YME1L1: variants seen among roughly 807,000 people sequenced by gnomAD.
YME1L1 encodes YME1 like 1 ATPase.
Under a neutral mutation model 90.4 loss-of-function variants are expected in YME1L1, and 39 were observed. The observed-to-expected ratio is 0.43, with a 90% CI of 0.33 to 0.56. The LOEUF (loss-of-function observed/expected upper bound fraction) is 0.56, where lower values mean the gene tolerates loss of function less well. YME1L1 is among the 20% of genes least tolerant of loss of function. The pLI, the probability that YME1L1 is intolerant of heterozygous loss-of-function variation, is 0.03. For synonymous variants in YME1L1, 284 were observed against 287.3 expected (o/e 0.99, Z 0.12); for missense variants, 617 against 868.4 (o/e 0.71, Z 3.64).
chr10:27,122,837 T>C lies in YME1L1; in HGVS notation c.1235+4A>G, dbSNP rs1403717777. 17 of 1,612,844 alleles carry C rather than the reference T, an allele frequency of 1.1e-5. No individual in the cohort carries two copies. Among genetic ancestry groups the C allele is most frequent in the Middle Eastern group, 1.6e-4 (1 of 6,076 alleles). On this transcript the variant is annotated splice_donor_region_variant and intron_variant, in intron 11 of 18. Coordinates refer to ENST00000376016, the MANE Select transcript of YME1L1 (RefSeq NM_014263.4). ...TATTCTAAGAAAAAAGAAGACTCAA[T>C]TACCCATCCATTTCAGCAAGAAGTT...
At chr10:27,149,461 G>A (rs976822240) in intron 1 of YME1L1, among the ~76,000 whole-genome samples, 3 of 152,098 alleles carry the variant, frequency 2.0e-5, no homozygotes, top group African/African-American at 4.8e-5. Flanking sequence ...TGTAACCCCA[G>A]CACTTTGGGA....
At position 27,120,578 on chromosome 10, in the gene YME1L1, A is replaced by AT. The variant is rs765749232; in HGVS notation, c.1299-32dup. ...GGAAGAATGCAAAAGGAAAATATAA[A>AT]TTAAAACTATTTAAGCTCAAATTCA... On this transcript the variant is annotated intron_variant, in intron 12 of 18. Coordinates refer to ENST00000376016, the MANE Select transcript of YME1L1 (RefSeq NM_014263.4). The AT allele has an allele frequency of 1.3e-5, 20 of 1,558,442 alleles. 1 individual carries two copies. In the South Asian group the frequency reaches 2.3e-4, roughly 18 times the overall value.
chr10:27,114,266 A>G (rs1359295028), intron 18 of YME1L1, among the ~76,000 whole-genome samples: 1 of 152,206 alleles, frequency 6.6e-6, no homozygotes, highest in Non-Finnish European at 1.5e-5. Flanking sequence ...ACCATGCAAT[A>G]TAGAACTGTT....
chr10:27,127,233 TTA>T (rs1031228070), intron 8 of YME1L1, among the ~76,000 whole-genome samples: 8 of 152,222 alleles, frequency 5.3e-5, no homozygotes, highest in Admixed American at 4.6e-4. Context: ...AAGAACAAAG[TTA>T]TGTTTTTTTG....
At chr10:27,147,893 C>T (rs112921984) in intron 2 of YME1L1, among the ~76,000 whole-genome samples, 3 of 152,268 alleles carry the variant, frequency 2.0e-5, no homozygotes, top group African/African-American at 7.2e-5. Flanking sequence ...CAGCTTTTCC[C>T]AGTATCCTAG....
In YME1L1 at chr10:27,110,357, G is replaced by C. The variant is rs898932319; in HGVS notation, c.*1620C>G. 6.6e-6 allele frequency: 1 copy of C among 152,194 alleles called. No individual in the cohort carries two copies. Among genetic ancestry groups the C allele is most frequent in the East Asian group, 1.9e-4 (1 of 5,188 alleles). 9.4% of individuals were successfully genotyped at this position (152,194 alleles called of 1,614,324 possible). A position where few individuals can be genotyped will look rare whatever the true frequency, so the allele number is the denominator to read the frequency against. ...TTCTGCCAGTTTGAAATTACATTAA[G>C]ATTTAAGATTATCAACCAAAAGGTC... On this transcript the variant is annotated 3_prime_UTR_variant, in exon 19 of 19. Coordinates refer to ENST00000376016, the MANE Select transcript of YME1L1 (RefSeq NM_014263.4).
intron 7 of YME1L1, among the ~76,000 whole-genome samples, chr10:27,133,617 C>T (rs1356125140): frequency 6.6e-6 from 1 of 152,018 alleles, no homozygotes; most frequent in Non-Finnish European, 1.5e-5. Flanking sequence ...GTGAAAACTG[C>T]ACAGTAGTGG....
chr10:27,137,569 TTA>T (rs1199692947), intron 4 of YME1L1, among the ~76,000 whole-genome samples: 1 of 152,190 alleles, frequency 6.6e-6, no homozygotes, highest in Non-Finnish European at 1.5e-5. Flanking sequence ...CCACCAATGC[TTA>T]TGAGTTTCCT....
rs747076166 is a variant in YME1L1, at chr10:27,145,455, C to T, written c.304G>A (p.Ala102Thr). Reference sequence around the variant, plus strand: ...TATTTATTTTCAAAGAAGGATTGTGCAGAGACATGGGATGTATGCCAATGG... The same window carrying T: ...TATTTATTTTCAAAGAAGGATTGTGTAGAGACATGGGATGTATGCCAATGG... ...SSHWHTSHVSAQSFFENKYGN... is the reference protein window; with the variant it reads ...SSHWHTSHVSTQSFFENKYGN... The change falls in exon 3 of 19, where the codon GCA (alanine) becomes ACA (threonine). Residue 102 changes from alanine to threonine, a missense_variant. Physicochemically the swap from Ala to Thr is moderately conservative, Grantham distance 58 (BLOSUM62 0). This residue lies in a region of YME1L1 where 311 missense variants were observed against 335.8 expected (regional missense o/e 0.93). Coordinates refer to ENST00000376016, the MANE Select transcript of YME1L1 (RefSeq NM_014263.4). The T allele has an allele frequency of 3.1e-6, 5 of 1,611,600 alleles. No homozygotes were observed. The South Asian group carries it at 4.4e-5, about 14-fold the overall frequency.
chr10:27,132,635 C>T (rs1376561985), intron 7 of YME1L1, among the ~76,000 whole-genome samples: 5 of 151,664 alleles, frequency 3.3e-5, no homozygotes, highest in East Asian at 2.0e-4. Context: ...TCTTGGCTAA[C>T]GGTGAAACGC....
chr10:27,142,816 C>T (rs938039773), intron 3 of YME1L1, among the ~76,000 whole-genome samples: 3 of 152,076 alleles, frequency 2.0e-5, no homozygotes, highest in South Asian at 2.1e-4. Flanking sequence ...CCCAGGTTCA[C>T]GCCATTCTCC....
At chr10:27,152,813 G>A (rs1341402836) in intron 1 of YME1L1, among the ~76,000 whole-genome samples, 1 of 151,956 alleles carries the variant, frequency 6.6e-6, no homozygotes, top group Non-Finnish European at 1.5e-5. Context: ...GCTTTAATTG[G>A]GGGGTGGGTG....
intron 6 of YME1L1, 127 bp downstream of exon 6, chr10:27,134,700 AGATT>A: frequency 1.1e-6 from 1 of 921,468 alleles, no homozygotes; most frequent in Non-Finnish European, 1.6e-6. Flanking sequence ...ATTTCTACAT[AGATT>A]AAGTTACAAA....
intron 1 of YME1L1, among the ~76,000 whole-genome samples, chr10:27,150,095 A>C (rs1239961451): frequency 3.3e-5 from 5 of 151,854 alleles, no homozygotes; most frequent in African/African-American, 1.2e-4. Context: ...TAAATAAATA[A>C]AAATGAAAAC....
Position 27,154,328 on chromosome 10 carries a change from A to C in YME1L1, c.-118T>G, listed in dbSNP as rs112468581. On this transcript the variant is annotated 5_prime_UTR_variant, in exon 1 of 19. Transcript: ENST00000376016. ...CTTTTTCTCCGACCCGTTGCCCCTC[A>C]CTCCTCCCAGAAACGGAAAATGGCC... 4 of 1,264,172 alleles carry C rather than the reference A, an allele frequency of 3.2e-6. No homozygotes were observed. Among genetic ancestry groups the C allele is most frequent in the Non-Finnish European group, 3.3e-6 (3 of 915,030 alleles). 78.3% of individuals were successfully genotyped at this position (1,264,172 alleles called of 1,614,324 possible).
At chr10:27,122,695 G>GACT in intron 11 of YME1L1, 146 bp downstream of exon 11, 3 of 1,050,372 alleles carry the variant, frequency 2.9e-6, no homozygotes, top group Non-Finnish European at 4.1e-6. Flanking sequence ...TTGCATGAGG[G>GACT]ACTACTCTGT....
At chr10:27,145,261 T>A (rs1221400877) in intron 3 of YME1L1, among the ~76,000 whole-genome samples, 167 bp downstream of exon 3, 2 of 149,474 alleles carry the variant, frequency 1.3e-5, no homozygotes, top group Non-Finnish European at 1.5e-5. Flanking sequence ...TTCCTGTAAA[T>A]CTGGTACTAT....
intron 4 of YME1L1, among the ~76,000 whole-genome samples, chr10:27,139,572 A>T (rs2057064725): frequency 6.6e-6 from 1 of 152,178 alleles, no homozygotes; most frequent in South Asian, 2.1e-4. Context: ...GAAACTCAAG[A>T]TTCTAGAAGA....
At chr10:27,120,234 T>TA (rs1409284117) in intron 13 of YME1L1, among the ~76,000 whole-genome samples, 1 of 152,094 alleles carries the variant, frequency 6.6e-6, no homozygotes, top group Non-Finnish European at 1.5e-5. Flanking sequence ...AACCTTTCTT[T>TA]AGACTCAGGG....
Sources: gnomAD v4.1 joint callset for allele counts (sites outside exome capture counted in the v4.1 genomes callset) on GRCh38, gnomAD v4.1.1 for gene constraint, gnomAD v4.1.1 regional missense constraint, MANE v1.5 for transcripts, NCBI Gene and HGNC (gene_info 2026-07-23, HGNC 2026-07-21) for gene names.